The following SLC28A3 variants were observed in gnomAD, a reference collection of about 807,000 sequenced individuals.
SLC28A3 encodes the protein concentrative Na(+)-nucleoside cotransporter 3.
In SLC28A3, 68 loss-of-function variants were observed where a neutral mutation model predicts 84.2. The ratio of observed to expected loss-of-function variants is 0.81; its 90% CI spans 0.66 to 0.99. SLC28A3 has a LOEUF of 0.99. SLC28A3 is among the 50% of genes least tolerant of loss of function. SLC28A3 has a pLI of 0.00. For missense variants in SLC28A3, 712 were observed against 841.5 expected (o/e 0.85, Z 1.90); for synonymous variants, 267 against 303.6 (o/e 0.88, Z 1.25).
At chr9:84,309,544 A>G (rs898779868) in intron 3 of SLC28A3, 85 bp downstream of exon 3, 10 of 845,456 alleles carry the variant, frequency 1.2e-5, no homozygotes, top group South Asian at 3.6e-5. Context: ...AAAAAAAAAA[A>G]AAAAGAAATC....
At chr9:84,287,551 T>C (rs1825041131) in intron 12 of SLC28A3, among the ~76,000 whole-genome samples, 1 of 152,192 alleles carries the variant, frequency 6.6e-6, no homozygotes, top group African/African-American at 2.4e-5. Context: ...TGGAAATGTA[T>C]TGACATTAGG....
intron 1 of SLC28A3, among the ~76,000 whole-genome samples, chr9:84,324,627 G>A (rs562317922): frequency 1.6e-5 from 2 of 123,210 alleles, no homozygotes; most frequent in East Asian, 4.4e-4. Flanking sequence ...TCCAGCCTAG[G>A]TGACACAGTG....
chr9:84,345,625 A>G (rs531605659), upstream of SLC28A3, among the ~76,000 whole-genome samples: 6 of 152,298 alleles, frequency 3.9e-5, no homozygotes, highest in African/African-American at 1.2e-4. Context: ...TCACAACACT[A>G]GACAGTGTTG....
chr9:84,308,695 T>C (rs1296463658), intron 3 of SLC28A3, among the ~76,000 whole-genome samples: 1 of 152,194 alleles, frequency 6.6e-6, no homozygotes, highest in Non-Finnish European at 1.5e-5. Context: ...AGTAGGAATA[T>C]AGAAGATGGA....
rs1824508758 is a variant in SLC28A3 at position 84,275,749 on chromosome 9, C to T, written c.*2469G>A. ...CAAGAGGCTTAACCAGCTCATTTTCCTGGTCCTTGGCCTTTACTATCCTCT... is the reference window on the plus strand; with the variant it reads ...CAAGAGGCTTAACCAGCTCATTTTCTTGGTCCTTGGCCTTTACTATCCTCT... On this transcript the variant is annotated 3_prime_UTR_variant, in exon 18 of 18. Coordinates refer to ENST00000376238, the MANE Select transcript of SLC28A3 (RefSeq NM_001199633.2). The T allele has an allele frequency of 1.3e-5, 2 of 152,154 alleles. No individual in the cohort carries two copies. Among genetic ancestry groups the T allele is most frequent in the Non-Finnish European group, 2.9e-5 (2 of 68,050 alleles). The allele number at this position is 152,154 out of a possible 1,614,324, so 9.4% of individuals were successfully genotyped here.
intron 17 of SLC28A3, 67 bp from the exon 18 acceptor site, chr9:84,278,411 A>G (rs1824603496): frequency 1.3e-6 from 2 of 1,593,730 alleles, no homozygotes; most frequent in Non-Finnish European, 1.7e-6. Context: ...TGAGCAGACA[A>G]TGACATTAAA....
chr9:84,331,917 T>G (rs1286965777), intron 1 of SLC28A3, among the ~76,000 whole-genome samples: 1 of 152,182 alleles, frequency 6.6e-6, no homozygotes, highest in Non-Finnish European at 1.5e-5. Flanking sequence ...CTCCCAAATA[T>G]GGACACGTGG....
At chr9:84,352,136 A>G in the SLC28A3 span, among the ~76,000 whole-genome samples, 1 of 152,136 alleles carries the variant, frequency 6.6e-6, no homozygotes, top group African/African-American at 2.4e-5. Context: ...CTCAAACTAT[A>G]TATTATCCTG....
the SLC28A3 span, among the ~76,000 whole-genome samples, chr9:84,357,247 G>A: frequency 1.3e-5 from 2 of 152,166 alleles, no homozygotes; most frequent in Non-Finnish European, 2.9e-5. Context: ...CTCTAAGCTT[G>A]ATTTCACAAT....
chr9:84,319,709 T>C (rs2118485327), intron 1 of SLC28A3, among the ~76,000 whole-genome samples: 1 of 152,274 alleles, frequency 6.6e-6, no homozygotes, highest in Non-Finnish European at 1.5e-5. Context: ...TGCCTTTTTC[T>C]GACTTAGGCT....
upstream of SLC28A3, among the ~76,000 whole-genome samples, chr9:84,342,761 A>T (rs1827191188): frequency 6.6e-6 from 1 of 152,140 alleles, no homozygotes; most frequent in Admixed American, 6.6e-5. Context: ...GTTGTTTACC[A>T]ATTATTTACA....
intron 5 of SLC28A3, 74 bp from the exon 6 acceptor site, chr9:84,299,799 T>A: frequency 6.6e-7 from 1 of 1,506,544 alleles, no homozygotes; most frequent in Non-Finnish European, 8.8e-7. Context: ...GCTTAATTTT[T>A]TTTTTTTTTG....
rs1421285922 is a variant in SLC28A3 at position 84,277,287 on chromosome 9, T to G, written c.*931A>C. ...TGTATCATATTACTTCTGCAAAATA[T>G]TCACTATCCCTCCCTATGACAGGAT... On this transcript the variant is annotated 3_prime_UTR_variant, in exon 18 of 18. Transcript: ENST00000376238. The G allele has an allele frequency of 6.6e-6, 1 of 152,242 alleles. No homozygotes were observed. The allele number at this position is 152,242 out of a possible 1,614,324, so 9.4% of individuals were successfully genotyped here. A position where few individuals can be genotyped will look rare whatever the true frequency, so the allele number is the denominator to read the frequency against.
chr9:84,297,853 C>T, intron 7 of SLC28A3, 53 bp downstream of exon 7: 1 of 1,447,020 alleles, frequency 6.9e-7, no homozygotes, highest in Non-Finnish European at 9.5e-7. Context: ...TGAGGATTAC[C>T]TCCAATGTTA....
chr9:84,345,242 A>T (rs1034111726), upstream of SLC28A3, among the ~76,000 whole-genome samples: 9 of 151,988 alleles, frequency 5.9e-5, no homozygotes, highest in Admixed American at 5.9e-4. Context: ...AAAGGCAAAA[A>T]AAAAAAAATC....
intron 2 of SLC28A3, chr9:84,310,736 G>A (rs541299483): frequency 6.2e-5 from 24 of 384,936 alleles, no homozygotes; most frequent in African/African-American, 4.6e-4. Context: ...GAACAAGGAA[G>A]GTGTGAGGAT....
chr9:84,292,740 C>A lies in SLC28A3; in HGVS notation c.951G>T (p.Trp317Cys). 6.4e-7 allele frequency: 1 copy of A among 1,573,222 alleles called. No individual in the cohort carries two copies. The highest frequency in any genetic ancestry group is 8.6e-7 in the Non-Finnish European group (1 of 1,164,830). ...LMQWIIRKVG[W>C]IMLVTTGSSP... ...ATGATCCCGTAGTAACTAGCATGAT[C>A]CATCCAACCTAAAAGGAAGAAAGGG... Residue 317 changes from tryptophan to cysteine, a missense_variant, in exon 10 of 18, where the codon TGG becomes TGT. Transcript: ENST00000376238.
Position 84,302,248 on chromosome 9 carries a change from A to G in SLC28A3, c.476T>C (p.Leu159Pro). The change falls in exon 5 of 18, where the codon CTG becomes CCG. Residue 159 changes from leucine to proline, a missense_variant. Physicochemically the swap from Leu to Pro is moderately conservative, Grantham distance 98. Transcript: ENST00000376238. The part of the protein sequence containing the change: ...AKYEHRIDEM[L>P]SPGRRLLNSH... ...GTTTAGAAGCCTTCTGCCAGGAGAC[A>G]GCATCTCATCAATTCGATGTTCGTA... 1.9e-6 allele frequency: 3 copies of G among 1,614,216 alleles called. No homozygotes were observed. Among genetic ancestry groups the G allele is most frequent in the South Asian group, 2.2e-5 (2 of 91,088 alleles).
chr9:84,317,911 CTG>C (rs1464533031), intron 1 of SLC28A3, among the ~76,000 whole-genome samples: 2 of 152,216 alleles, frequency 1.3e-5, no homozygotes, highest in African/African-American at 4.8e-5. Flanking sequence ...TTTGGTGAAT[CTG>C]ATCTCTCAAA....
Sources: gnomAD v4.1 joint callset for allele counts (sites outside exome capture counted in the v4.1 genomes callset) on GRCh38, gnomAD v4.1.1 for gene constraint, MANE v1.5 for transcripts, NCBI Gene and HGNC (gene_info 2026-07-23, HGNC 2026-07-21) for gene names.